Variants in RHOJ observed in about 807,000 individuals in gnomAD.
RHOJ encodes ras homolog family member J.
In RHOJ, 11 loss-of-function variants were observed where a neutral mutation model predicts 23.4. The ratio of observed to expected loss-of-function variants is 0.47; its 90% CI spans 0.30 to 0.78. The LOEUF (loss-of-function observed/expected upper bound fraction) is 0.78, where lower values mean the gene tolerates loss of function less well. RHOJ is among the 30% of genes least tolerant of loss of function. RHOJ has a pLI of 0.08. For synonymous variants in RHOJ, 102 were observed against 102.7 expected, an observed-to-expected ratio of 0.99 and a Z score of 0.04; for missense variants, 254 against 273.4, an observed-to-expected ratio of 0.93 and a Z score of 0.50.
chr14:63,236,418 G>A (rs191548499), intron 1 of RHOJ, among the ~76,000 whole-genome samples: 9 of 152,278 alleles, frequency 5.9e-5, no homozygotes, highest in East Asian at 1.9e-4. Flanking sequence ...GGGAGGCCTC[G>A]CAATCATGGC....
intron 1 of RHOJ, among the ~76,000 whole-genome samples, chr14:63,245,866 A>C (rs1004731980): frequency 1.3e-5 from 2 of 152,210 alleles, no homozygotes; most frequent in African/African-American, 4.8e-5. Flanking sequence ...CATCAGAAGA[A>C]GGGGGTGATT....
intron 4 of RHOJ, among the ~76,000 whole-genome samples, chr14:63,285,676 T>C (rs901443053): frequency 1.3e-5 from 2 of 152,208 alleles, no homozygotes; most frequent in Non-Finnish European, 2.9e-5. Flanking sequence ...TTTCTATTAC[T>C]GTAGTTTTTA....
At chr14:63,285,124 G>A (rs1434528714) in intron 4 of RHOJ, among the ~76,000 whole-genome samples, 1 of 152,144 alleles carries the variant, frequency 6.6e-6, no homozygotes, top group African/African-American at 2.4e-5. Flanking sequence ...TAGCATTTAT[G>A]GAGTGTTTAT....
chr14:63,270,136 G>A (rs1256480998), intron 2 of RHOJ, among the ~76,000 whole-genome samples: 2 of 146,724 alleles, frequency 1.4e-5, no homozygotes, highest in Non-Finnish European at 3.0e-5. Context: ...AGTTTCCTGG[G>A]AATTGTTATT....
intron 2 of RHOJ, among the ~76,000 whole-genome samples, chr14:63,279,924 A>G (rs1285906140): frequency 6.6e-6 from 1 of 152,230 alleles, no homozygotes; most frequent in East Asian, 1.9e-4. Context: ...TAATTTAAAT[A>G]TAGTATATTC....
chr14:63,269,878 T>G (rs1362812424), intron 2 of RHOJ, among the ~76,000 whole-genome samples: 4 of 152,232 alleles, frequency 2.6e-5, no homozygotes, highest in Non-Finnish European at 5.9e-5. Context: ...TTAATCTGTC[T>G]TTCCCAGCAT....
chr14:63,208,971 C>T (rs1566601415), intron 1 of RHOJ, among the ~76,000 whole-genome samples: 2 of 152,160 alleles, frequency 1.3e-5, no homozygotes, highest in Admixed American at 6.5e-5. Context: ...CTTTTCCACC[C>T]GGTTTCTGAA....
rs569007097 is a variant in RHOJ at position 63,285,939 on chromosome 14, T to C, written c.498+2723T>C. On this transcript the variant is annotated intron_variant, in intron 4 of 4. Coordinates refer to ENST00000316754, the MANE Select transcript of RHOJ (RefSeq NM_020663.5). ...ATACAGGAATTTGCCATTTTTTCTT[T>C]TTTAATCTCTGGGTTCTCTTTGCCC... Among the ~76,000 whole-genome samples the C allele has an allele frequency of 1.2e-4, 19 of 152,348 alleles. No individual in the cohort carries two copies. The East Asian group carries it at 3.5e-3, about 28-fold the overall frequency.
At chr14:63,282,439 C>T (rs186823528) in intron 3 of RHOJ, among the ~76,000 whole-genome samples, 1 of 152,124 alleles carries the variant, frequency 6.6e-6, no homozygotes, top group Non-Finnish European at 1.5e-5. Context: ...CATGGATTCG[C>T]ATACACAGTG....
intron 1 of RHOJ, among the ~76,000 whole-genome samples, chr14:63,228,563 T>C (rs1217415864): frequency 6.6e-6 from 1 of 151,690 alleles, no homozygotes; most frequent in South Asian, 2.1e-4. Flanking sequence ...TACCTTCTGA[T>C]AAAGTTGTAT....
chr14:63,256,275 G>A (rs1895163355), intron 1 of RHOJ, among the ~76,000 whole-genome samples: 1 of 152,032 alleles, frequency 6.6e-6, no homozygotes, highest in South Asian at 2.1e-4. Context: ...CCAACCGGGG[G>A]CCGGCATCAG....
At chr14:63,231,300 A>G (rs1443670464) in intron 1 of RHOJ, among the ~76,000 whole-genome samples, 1 of 152,240 alleles carries the variant, frequency 6.6e-6, no homozygotes, top group Non-Finnish European at 1.5e-5. Flanking sequence ...TAGTGGATGT[A>G]AGAGAGTACT....
chr14:63,265,700 A>G lies in RHOJ; in HGVS notation c.179-3410A>G, dbSNP rs528976158. Reference sequence around the variant, plus strand: ...ACATGTCCCCAAGATGGTTGGTTACAGCTTGATTTTATGCATTTTAGGGGG... The same window carrying G: ...ACATGTCCCCAAGATGGTTGGTTACGGCTTGATTTTATGCATTTTAGGGGG... On this transcript the variant is annotated intron_variant, in intron 1 of 4. Coordinates refer to ENST00000316754, the MANE Select transcript of RHOJ (RefSeq NM_020663.5). Among the ~76,000 whole-genome samples the G allele has an allele frequency of 3.9e-5, 6 of 152,360 alleles. No homozygotes were observed. In the South Asian group the frequency reaches 1.2e-3, roughly 32 times the overall value.
intron 1 of RHOJ, among the ~76,000 whole-genome samples, chr14:63,224,614 T>C (rs561587717): frequency 1.3e-5 from 2 of 152,348 alleles, no homozygotes; most frequent in East Asian, 3.9e-4. Flanking sequence ...AATTGTACTG[T>C]TCACTGTTGA....
At chr14:63,226,264 CAATTACCTCTATGAAG>C (rs1281544232) in intron 1 of RHOJ, among the ~76,000 whole-genome samples, 1 of 151,626 alleles carries the variant, frequency 6.6e-6, no homozygotes, top group Non-Finnish European at 1.5e-5. Context: ...CATAATGAAA[CAATTACCTCTATGAAG>C]AAAGAACACA....
intron 1 of RHOJ, among the ~76,000 whole-genome samples, chr14:63,252,935 A>G (rs1350423394): frequency 6.6e-6 from 1 of 152,216 alleles, no homozygotes; most frequent in Non-Finnish European, 1.5e-5. Context: ...AAGAATAGGA[A>G]CATGAAGATG....
At chr14:63,248,610 G>T (rs1459072264) in intron 1 of RHOJ, among the ~76,000 whole-genome samples, 1 of 152,122 alleles carries the variant, frequency 6.6e-6, no homozygotes, top group Non-Finnish European at 1.5e-5. Flanking sequence ...ACTCAATACT[G>T]ATTTATATTT....
chr14:63,219,814 CA>C (rs35915504), intron 1 of RHOJ, among the ~76,000 whole-genome samples: 96,638 of 129,512 alleles, frequency 0.75, 35,940 homozygotes, highest in South Asian at 0.87. Context: ...GATTGCATCT[CA>C]AAAAAAAAAA....
intron 1 of RHOJ, among the ~76,000 whole-genome samples, chr14:63,246,782 C>A (rs1057256336): frequency 2.8e-4 from 42 of 152,176 alleles, no homozygotes; most frequent in Admixed American, 4.6e-4. Flanking sequence ...CTTTACTGTG[C>A]ACTATTGTGA....
Sources: gnomAD v4.1 joint callset for allele counts (sites outside exome capture counted in the v4.1 genomes callset) on GRCh38, gnomAD v4.1.1 for gene constraint, MANE v1.5 for transcripts, NCBI Gene and HGNC (gene_info 2026-07-23, HGNC 2026-07-21) for gene names.